Variants in PCNX2 observed in about 807,000 individuals in gnomAD.
PCNX2 encodes the protein pecanex-like protein 2.
PCNX2 carries 168 observed loss-of-function variants against 223.8 expected under a neutral mutation model. The observed-to-expected ratio is 0.75, with a 90% CI of 0.66 to 0.85. The LOEUF (loss-of-function observed/expected upper bound fraction) is 0.85, where lower values mean the gene tolerates loss of function less well. PCNX2 is among the 40% of genes least tolerant of loss of function. The pLI is 0.00. For synonymous variants in PCNX2, 1,006 were observed against 1,052.6 expected, an observed-to-expected ratio of 0.96 and a Z score of 0.86; for missense variants, 2,507 against 2,675.5, an observed-to-expected ratio of 0.94 and a Z score of 1.39.
chr1:233,185,544 T>TA (rs1680049060), intron 15 of PCNX2, among the ~76,000 whole-genome samples: 1 of 152,236 alleles, frequency 6.6e-6, no homozygotes, highest in African/African-American at 2.4e-5. Flanking sequence ...CTGTTTCATC[T>TA]ATTTATGCAT....
In PCNX2 at chr1:233,218,066, G is replaced by A. The variant is rs909420811; in HGVS notation, c.2623C>T (p.Leu875Phe). 3.1e-6 allele frequency: 5 copies of A among 1,598,368 alleles called. No homozygotes were observed. Among genetic ancestry groups the A allele is most frequent in the South Asian group, 2.3e-5 (2 of 88,310 alleles). ...CKDMWVLLFC[L>F]VMASCQYSLL... The stretch of plus-strand genomic sequence containing the variant: ...GAGTACTGGCAGCTGGCCATGACGA[G>A]GCAGAAGAGGAGCACCCACATATCT... Residue 875 changes from leucine (L) to phenylalanine (F), a missense_variant, in exon 11 of 34, where the codon CTC (leucine) becomes TTC (phenylalanine). Transcript: ENST00000258229.
At chr1:232,996,743 C>T (rs1239210298) in intron 32 of PCNX2, among the ~76,000 whole-genome samples, 2 of 152,156 alleles carry the variant, frequency 1.3e-5, no homozygotes, top group Non-Finnish European at 2.9e-5. Flanking sequence ...CTGTCTCCCT[C>T]CCAATTTGCT....
Position 233,097,311 on chromosome 1 carries a change from TA to T in PCNX2, c.3838-1449del, listed in dbSNP as rs1348278043. Among the ~76,000 whole-genome samples the T allele has an allele frequency of 3.6e-5, 5 of 138,916 alleles. No individual in the cohort carries two copies. In the Admixed American group the frequency reaches 3.6e-4, roughly 10 times the overall value. The allele number at this position is 138,916 out of a possible 152,430, so 91.1% of individuals were successfully genotyped here. On this transcript the variant is annotated intron_variant, in intron 21 of 33. Coordinates refer to ENST00000258229, the MANE Select transcript of PCNX2 (RefSeq NM_014801.4). ...AGACAGTGAGAGGGAAAGAAAAAAA[TA>T]GGGGAAACAGGGAAGATAAAGGGAG...
chr1:233,183,308 G>T (rs1011668949), intron 15 of PCNX2, among the ~76,000 whole-genome samples: 17 of 152,008 alleles, frequency 1.1e-4, no homozygotes, highest in Admixed American at 1.1e-3. Flanking sequence ...ATTAGACACC[G>T]GACTCCCCAA....
intron 27 of PCNX2, among the ~76,000 whole-genome samples, chr1:233,016,267 C>G (rs1334217388): frequency 6.6e-6 from 1 of 152,204 alleles, no homozygotes; most frequent in Non-Finnish European, 1.5e-5. Flanking sequence ...GAAGTTGTTT[C>G]TAACTTGTAC....
At chr1:233,162,221 C>T (rs1019749967) in intron 17 of PCNX2, among the ~76,000 whole-genome samples, 1 of 152,062 alleles carries the variant, frequency 6.6e-6, no homozygotes, top group East Asian at 1.9e-4. Flanking sequence ...ATATTGCTGG[C>T]TGAACAATCT....
intron 26 of PCNX2, chr1:233,018,731 C>G (rs1192563015): frequency 2.0e-6 from 2 of 982,942 alleles, no homozygotes; most frequent in Non-Finnish European, 2.4e-6. Flanking sequence ...GCTATTGAGG[C>G]TGAGGGGCAC....
rs1386898644 is a variant in PCNX2, at chr1:233,001,724, C to A, written c.4953-43G>T. On this transcript the variant is annotated intron_variant, in intron 28 of 33. Transcript: ENST00000258229. The surrounding 1 kb of genome is among the most constrained non-coding windows in gnomAD (Gnocchi z 4.2). ...ATTACTATGGAACAAATTTCAGAAT[C>A]CTGTCATTGTGAGCAAAGTTTGAGT... 8 of 1,468,168 alleles carry A rather than the reference C, an allele frequency of 5.4e-6. No individual in the cohort carries two copies. The Admixed American group carries it at 8.5e-5, about 16-fold the overall frequency. The allele number at this position is 1,468,168 out of a possible 1,614,324, so 90.9% of individuals were successfully genotyped here. A position where few individuals can be genotyped will look rare whatever the true frequency, so the allele number is the denominator to read the frequency against.
chr1:233,072,574 A>G (rs772264108), intron 23 of PCNX2, among the ~76,000 whole-genome samples: 11 of 152,082 alleles, frequency 7.2e-5, no homozygotes, highest in Non-Finnish European at 1.2e-4. Context: ...ACATTCTTTT[A>G]TCCTAGTTTG....
chr1:233,210,052 A>T (rs1361827614), intron 12 of PCNX2, among the ~76,000 whole-genome samples: 1 of 152,224 alleles, frequency 6.6e-6, no homozygotes, highest in African/African-American at 2.4e-5. Context: ...TCTAAAAATT[A>T]AAAGTCTTTA....
At chr1:233,245,889 C>A (rs1202426662) in intron 8 of PCNX2, among the ~76,000 whole-genome samples, 2 of 152,138 alleles carry the variant, frequency 1.3e-5, no homozygotes, top group Non-Finnish European at 2.9e-5. Flanking sequence ...GCACTCCAGA[C>A]TGGGTGACAG....
intron 9 of PCNX2, among the ~76,000 whole-genome samples, chr1:233,230,257 T>C (rs1657984887): frequency 6.6e-6 from 1 of 152,152 alleles, no homozygotes; most frequent in African/African-American, 2.4e-5. Context: ...ACTGACATCC[T>C]GGGAGAAGGC....
chr1:233,000,100 A>T lies in PCNX2; in HGVS notation c.5328+205T>A, dbSNP rs1459525356. Among the ~76,000 whole-genome samples the T allele has an allele frequency of 6.6e-6, 1 of 151,700 alleles. No homozygotes were observed. The highest frequency in any genetic ancestry group is 1.5e-5 in the Non-Finnish European group (1 of 68,016). On this transcript the variant is annotated intron_variant, in intron 30 of 33. Coordinates refer to ENST00000258229, the MANE Select transcript of PCNX2 (RefSeq NM_014801.4). The surrounding 1 kb of genome is among the most constrained non-coding windows in gnomAD (Gnocchi z 4.6). The stretch of plus-strand genomic sequence containing the variant: ...TGCTGGCTCTGTGAGGTGGAGGGTG[A>T]TCCTGCCAGGGGAACACAGCACCCA...
At chr1:233,075,730 C>A (rs1312279844) in intron 23 of PCNX2, among the ~76,000 whole-genome samples, 1 of 151,288 alleles carries the variant, frequency 6.6e-6, no homozygotes, top group Non-Finnish European at 1.5e-5. Flanking sequence ...CACACACACA[C>A]ACACACACAA....
At position 232,994,413 on chromosome 1, in the gene PCNX2, G is replaced by T. The variant is rs150526147; in HGVS notation, c.5791+3838C>A. Among the ~76,000 whole-genome samples, 126 of 152,366 alleles carry T rather than the reference G, an allele frequency of 8.3e-4. 1 individual carries two copies. Among genetic ancestry groups the T allele is most frequent in the African/African-American group, 2.7e-3 (111 of 41,594 alleles). ...GCTAATTCCTTCCATTTGGAATGGG[G>T]ACATTTACCCAATGCTTGTTCCCCC... On this transcript the variant is annotated intron_variant, in intron 32 of 33. Transcript: ENST00000258229.
At chr1:233,247,383 T>C (rs1397788763) in intron 8 of PCNX2, among the ~76,000 whole-genome samples, 1 of 152,262 alleles carries the variant, frequency 6.6e-6, no homozygotes, top group Admixed American at 6.5e-5. Context: ...TAGCAAACCA[T>C]GTGTATTATT....
At chr1:233,186,415 T>C (rs907724596) in intron 15 of PCNX2, among the ~76,000 whole-genome samples, 23 of 152,028 alleles carry the variant, frequency 1.5e-4, no homozygotes, top group African/African-American at 5.3e-4. Context: ...ACCCAGTCCC[T>C]GAACTGTGCT....
intron 1 of PCNX2, among the ~76,000 whole-genome samples, chr1:233,269,228 G>A (rs1381423860): frequency 6.6e-6 from 1 of 152,154 alleles, no homozygotes; most frequent in Non-Finnish European, 1.5e-5. Context: ...AACTGGAAAG[G>A]GAGCTGCTCA....
At chr1:233,121,069 C>A (rs1675757761) in intron 21 of PCNX2, among the ~76,000 whole-genome samples, 1 of 150,606 alleles carries the variant, frequency 6.6e-6, no homozygotes, top group Admixed American at 6.6e-5. Flanking sequence ...AAAAAAAATA[C>A]ACCCTCCACG....
Sources: gnomAD v4.1 joint callset for allele counts (sites outside exome capture counted in the v4.1 genomes callset) on GRCh38, gnomAD v4.1.1 for gene constraint, Gnocchi (gnomAD v3.1) non-coding constraint, MANE v1.5 for transcripts, NCBI Gene and HGNC (gene_info 2026-07-23, HGNC 2026-07-21) for gene names.